SAMD5: variants seen among roughly 807,000 people sequenced by gnomAD.
SAMD5 encodes sterile alpha motif domain-containing protein 5.
SAMD5 carries 13 observed loss-of-function variants against 11.3 expected under a neutral mutation model. The ratio of observed to expected loss-of-function variants is 1.15; its 90% confidence interval spans 0.75 to 1.83. The LOEUF (loss-of-function observed/expected upper bound fraction) is 1.83. SAMD5 is among the 40% of genes most tolerant of loss of function. The pLI is 0.00. For synonymous variants in SAMD5, 129 were observed against 111.3 expected (o/e 1.16, Z -1.00); for missense variants, 255 against 239.1 (o/e 1.07, Z -0.44).
chr6:147,573,493 CCT>C (rs1789168880), downstream of SAMD5, among the ~76,000 whole-genome samples: 1 of 152,114 alleles, frequency 6.6e-6, no homozygotes, highest in South Asian at 2.1e-4. Flanking sequence ...CCATGAGGTC[CCT>C]CCCTTGACAC....
At chr6:147,616,909 T>A (rs1789881373) in intron 1 of SAMD5, among the ~76,000 whole-genome samples, 1 of 152,204 alleles carries the variant, frequency 6.6e-6, no homozygotes, top group South Asian at 2.1e-4. Flanking sequence ...TCACTCCATC[T>A]CTTGATACAT....
chr6:147,546,125 T>C (rs1270186720), intron 1 of SAMD5, among the ~76,000 whole-genome samples: 1 of 152,198 alleles, frequency 6.6e-6, no homozygotes, highest in Non-Finnish European at 1.5e-5. Flanking sequence ...CTGTGGAGGC[T>C]TTCTTCCATT....
the SAMD5 span, among the ~76,000 whole-genome samples, chr6:147,785,404 T>C: frequency 6.6e-6 from 1 of 152,114 alleles, no homozygotes; most frequent in African/African-American, 2.4e-5. Context: ...TCACCTTTGG[T>C]AGGGACCACA....
At chr6:147,794,021 T>G in the SAMD5 span, among the ~76,000 whole-genome samples, 1 of 152,176 alleles carries the variant, frequency 6.6e-6, no homozygotes, top group Admixed American at 6.5e-5. Context: ...GTAATTCAAA[T>G]TCACTCTTAA....
chr6:147,911,749 C>T, the SAMD5 span, among the ~76,000 whole-genome samples: 1 of 152,154 alleles, frequency 6.6e-6, no homozygotes, highest in Non-Finnish European at 1.5e-5. Context: ...AATATTATGA[C>T]CATGTGTTAT....
the SAMD5 span, among the ~76,000 whole-genome samples, chr6:147,767,711 C>G: frequency 6.6e-6 from 1 of 152,246 alleles, no homozygotes; most frequent in South Asian, 2.1e-4. Context: ...CTGCCATCAC[C>G]TTGATCTTGG....
the SAMD5 span, among the ~76,000 whole-genome samples, chr6:147,775,375 G>C: frequency 6.6e-6 from 1 of 152,298 alleles, no homozygotes; most frequent in Middle Eastern, 3.4e-3. Flanking sequence ...ATCTACATGA[G>C]TATAGAGTGT....
the SAMD5 span, among the ~76,000 whole-genome samples, chr6:147,757,159 T>A: frequency 0.012 from 1,756 of 152,298 alleles, 33 homozygotes; most frequent in African/African-American, 0.041. Flanking sequence ...CACAAGTTAT[T>A]CAAGAAGAAA....
the SAMD5 span, among the ~76,000 whole-genome samples, chr6:147,843,313 A>G: frequency 6.6e-6 from 1 of 152,232 alleles, no homozygotes; most frequent in Admixed American, 6.5e-5. Context: ...TATACTAGAA[A>G]TTATAAAATA....
chr6:147,524,464 G>T (rs775135369), intron 1 of SAMD5, among the ~76,000 whole-genome samples: 2 of 151,292 alleles, frequency 1.3e-5, no homozygotes, highest in Non-Finnish European at 2.9e-5. Context: ...AAGCAAGAGC[G>T]CCTATAATAG....
intron 1 of SAMD5, among the ~76,000 whole-genome samples, chr6:147,660,233 C>G (rs927511128): frequency 1.3e-5 from 2 of 152,156 alleles, no homozygotes; most frequent in African/African-American, 2.4e-5. Context: ...TATTTCATCT[C>G]CTATATCTCT....
chr6:147,599,954 A>G (rs1241874316), intron 1 of SAMD5, among the ~76,000 whole-genome samples: 2 of 151,778 alleles, frequency 1.3e-5, no homozygotes, highest in African/African-American at 4.8e-5. Context: ...TAGGACCAAG[A>G]GGTGTGTATG....
intron 1 of SAMD5, among the ~76,000 whole-genome samples, chr6:147,540,831 A>ATACC (rs1478617885): frequency 1.3e-5 from 2 of 151,446 alleles, no homozygotes; most frequent in Non-Finnish European, 2.9e-5. Flanking sequence ...TTTTGCCAGC[A>ATACC]TACCAGGTTT....
the SAMD5 span, among the ~76,000 whole-genome samples, chr6:147,870,800 G>A: frequency 7.5e-5 from 11 of 146,440 alleles, no homozygotes; most frequent in African/African-American, 2.3e-4. Flanking sequence ...AAAGGGAAGA[G>A]GGAAGGGGAG....
At chr6:147,842,703 T>C in the SAMD5 span, among the ~76,000 whole-genome samples, 3 of 152,190 alleles carry the variant, frequency 2.0e-5, no homozygotes, top group Admixed American at 2.0e-4. Flanking sequence ...ATAAGCCCAG[T>C]AGTATTTGTA....
Position 147,564,472 on chromosome 6 carries a change from C to T in SAMD5, c.*16C>T. On this transcript the variant is annotated 3_prime_UTR_variant, in exon 2 of 2. Coordinates refer to ENST00000367474, the MANE Select transcript of SAMD5 (RefSeq NM_001030060.3). Reference sequence around the variant, plus strand: ...GAGCCGCTAGATATCATTTTTGAGACCTCGTGGAGGACTGATGAGGTGCCT... The same window carrying T: ...GAGCCGCTAGATATCATTTTTGAGATCTCGTGGAGGACTGATGAGGTGCCT... The T allele has an allele frequency of 1.3e-6, 1 of 788,342 alleles. No homozygotes were observed. The highest frequency in any genetic ancestry group is 2.2e-4 in the Middle Eastern group (1 of 4,458). The allele number at this position is 788,342 out of a possible 1,614,324, so 48.8% of individuals were successfully genotyped here.
At chr6:147,572,696 G>A (rs1789154954), downstream of SAMD5, among the ~76,000 whole-genome samples, 1 of 152,098 alleles carries the variant, frequency 6.6e-6, no homozygotes, top group African/African-American at 2.4e-5. Context: ...ATAATCAATT[G>A]ATTTCTGCAA....
At chr6:147,571,667 T>C (rs189494244), downstream of SAMD5, among the ~76,000 whole-genome samples, 17 of 152,320 alleles carry the variant, frequency 1.1e-4, no homozygotes, top group Admixed American at 4.6e-4. Context: ...GTATATTCAG[T>C]GTACATTGTT....
intron 1 of SAMD5, among the ~76,000 whole-genome samples, chr6:147,515,468 CCATCCATT>C (rs1008957516): frequency 2.7e-5 from 4 of 149,360 alleles, no homozygotes; most frequent in East Asian, 1.9e-4. Flanking sequence ...ATCCATCCAT[CCATCCATT>C]CATTTATTCA....
Sources: allele counts gnomAD v4.1 joint callset (sites outside exome capture counted in the v4.1 genomes callset), GRCh38; gene constraint gnomAD v4.1.1; transcripts MANE v1.5; gene names NCBI Gene and HGNC (gene_info 2026-07-23, HGNC 2026-07-21).